The following PTPRD variants were observed in gnomAD, a reference collection of about 807,000 sequenced individuals.
The protein encoded by PTPRD is receptor-type tyrosine-protein phosphatase delta.
In PTPRD, 34 loss-of-function variants were observed where a neutral mutation model predicts 214.5. The observed-to-expected ratio is 0.16, with a 90% CI of 0.12 to 0.21. The LOEUF (loss-of-function observed/expected upper bound fraction) is 0.21, where lower values mean the gene tolerates loss of function less well. PTPRD is among the 10% of genes least tolerant of loss of function. The probability of loss-of-function intolerance (pLI) is 1.00; values close to 1 mark genes in which losing one functional copy is unlikely to be tolerated. For missense variants in PTPRD, 2,545 were observed against 2,398.7 expected, an observed-to-expected ratio of 1.06 and a Z score of -1.27; for synonymous variants, 1,128 against 845.7, an observed-to-expected ratio of 1.33 and a Z score of -5.79.
intron 9 of PTPRD, among the ~76,000 whole-genome samples, chr9:9,290,228 C>T (rs1311589614): frequency 6.6e-6 from 1 of 151,678 alleles, no homozygotes; most frequent in Non-Finnish European, 1.5e-5. Context: ...AACAGCTTTC[C>T]ATATGCTTGT....
chr9:8,821,877 C>G (rs1173110527), intron 11 of PTPRD, among the ~76,000 whole-genome samples: 1 of 152,170 alleles, frequency 6.6e-6, no homozygotes, highest in East Asian at 1.9e-4. Context: ...CTTGGCCAGG[C>G]TGGTATCGAA....
chr9:9,271,549 G>A (rs1259564641), intron 9 of PTPRD, among the ~76,000 whole-genome samples: 1 of 151,274 alleles, frequency 6.6e-6, no homozygotes, highest in Non-Finnish European at 1.5e-5. Context: ...ATTAAATATA[G>A]CAATTTAATG....
intron 27 of PTPRD, 170 bp from the exon 28 acceptor site, chr9:8,486,519 G>A: frequency 9.5e-6 from 7 of 734,170 alleles, no homozygotes; most frequent in Non-Finnish European, 1.7e-5. Context: ...TATGCTCCTT[G>A]TCTTACTTTA....
At chr9:9,536,977 C>T (rs1193713309) in intron 8 of PTPRD, among the ~76,000 whole-genome samples, 1 of 151,944 alleles carries the variant, frequency 6.6e-6, no homozygotes, top group Non-Finnish European at 1.5e-5. Context: ...CAGCCTTTTT[C>T]ATCTACTAAT....
Position 10,429,730 on chromosome 9 carries a change from CAG to C in PTPRD, c.-599-88715_-599-88714del, listed in dbSNP as rs1491520618. Among the ~76,000 whole-genome samples, 389 of 147,844 alleles carry C rather than the reference CAG, an allele frequency of 2.6e-3. 3 individuals carry two copies. Among genetic ancestry groups the C allele is most frequent in the African/African-American group, 9.2e-3 (367 of 39,934 alleles). Reference sequence around the variant, plus strand: ...AGTATAATGATAGATAATGAAGACTCAGGGGGCTAAGGGGAGTGGAAGGGGGG... The same window carrying C: ...AGTATAATGATAGATAATGAAGACTCGGGGCTAAGGGGAGTGGAAGGGGGG... On this transcript the variant is annotated intron_variant, in intron 2 of 45. Transcript: ENST00000381196.
intron 12 of PTPRD, among the ~76,000 whole-genome samples, chr9:8,644,849 A>G (rs1336118520): frequency 1.3e-5 from 2 of 152,182 alleles, no homozygotes; most frequent in African/African-American, 4.8e-5. Context: ...CCTTGAAGAC[A>G]TGGGATCCAG....
At chr9:10,140,811 G>C (rs1335500714) in intron 3 of PTPRD, among the ~76,000 whole-genome samples, 2 of 151,652 alleles carry the variant, frequency 1.3e-5, no homozygotes, top group African/African-American at 4.8e-5. Context: ...GAGAATTTTA[G>C]ACCAATATCC....
intron 14 of PTPRD, among the ~76,000 whole-genome samples, chr9:8,564,566 G>T (rs1487843871): frequency 1.3e-5 from 2 of 152,126 alleles, no homozygotes; most frequent in Non-Finnish European, 2.9e-5. Context: ...GCCAGATGTG[G>T]TAGTGCGTGC....
At chr9:10,328,405 T>C (rs935812149) in intron 3 of PTPRD, among the ~76,000 whole-genome samples, 1 of 151,754 alleles carries the variant, frequency 6.6e-6, no homozygotes, top group Admixed American at 6.6e-5. Flanking sequence ...CCTTAAAAAG[T>C]AAGAGCAGCT....
chr9:9,088,959 C>T (rs935417917), intron 10 of PTPRD, among the ~76,000 whole-genome samples: 1 of 152,110 alleles, frequency 6.6e-6, no homozygotes, highest in African/African-American at 2.4e-5. Context: ...TGTGCCAGAA[C>T]AATGATAAGC....
chr9:8,626,499 G>A (rs1425620306), intron 14 of PTPRD, among the ~76,000 whole-genome samples: 1 of 151,812 alleles, frequency 6.6e-6, no homozygotes, highest in Non-Finnish European at 1.5e-5. Flanking sequence ...TTGATTAGGC[G>A]AAATATCTGG....
intron 11 of PTPRD, among the ~76,000 whole-genome samples, chr9:8,990,891 T>G (rs183601012): frequency 6.6e-6 from 1 of 152,130 alleles, no homozygotes; most frequent in Admixed American, 6.5e-5. Context: ...GCTACATGGC[T>G]GCCTATACTT....
chr9:9,206,968 C>G (rs1383404042), intron 9 of PTPRD, among the ~76,000 whole-genome samples: 3 of 152,106 alleles, frequency 2.0e-5, no homozygotes. Context: ...AGAACCCTGA[C>G]TAATACAAAG....
At chr9:9,056,314 AC>A (rs2099696135) in intron 10 of PTPRD, among the ~76,000 whole-genome samples, 1 of 152,158 alleles carries the variant, frequency 6.6e-6, no homozygotes, top group Admixed American at 6.5e-5. Context: ...AGTACATAAA[AC>A]ATCTTAACCT....
chr9:9,490,385 T>C (rs1012595489), intron 8 of PTPRD, among the ~76,000 whole-genome samples: 1 of 152,108 alleles, frequency 6.6e-6, no homozygotes, highest in Non-Finnish European at 1.5e-5. Context: ...TGACAGTTTT[T>C]AATTGTATTT....
At chr9:9,046,225 T>C (rs1320711250) in intron 10 of PTPRD, among the ~76,000 whole-genome samples, 1 of 152,194 alleles carries the variant, frequency 6.6e-6, no homozygotes, top group East Asian at 1.9e-4. Flanking sequence ...TTGTTATAAT[T>C]AGAAGTTTTA....
At chr9:8,803,611 T>C (rs1002312316) in intron 11 of PTPRD, among the ~76,000 whole-genome samples, 3 of 152,102 alleles carry the variant, frequency 2.0e-5, no homozygotes, top group African/African-American at 7.2e-5. Flanking sequence ...CACAGGCCTA[T>C]AGTCCTGGAG....
rs1181812884 is a variant in PTPRD at position 10,511,969 on chromosome 9, T to A, written c.-600+100429A>T. On this transcript the variant is annotated intron_variant, in intron 2 of 45. Coordinates refer to ENST00000381196, the MANE Select transcript of PTPRD (RefSeq NM_002839.4). ...ATACGTGTGTGTATATATATATACG[T>A]GTGTGTGTATATATATATACGTGTG... 8.8e-3 allele frequency among the ~76,000 whole-genome samples: 453 copies of A among 51,726 alleles called. 13 individuals carry two copies. The highest frequency in any genetic ancestry group is 0.024 in the African/African-American group (427 of 18,104). 33.9% of individuals were successfully genotyped at this position (51,726 alleles called of 152,430 possible). A position where few individuals can be genotyped will look rare whatever the true frequency, so the allele number is the denominator to read the frequency against.
intron 2 of PTPRD, among the ~76,000 whole-genome samples, chr9:10,357,250 G>A (rs191867499): frequency 7.2e-4 from 110 of 152,208 alleles, no homozygotes; most frequent in African/African-American, 2.6e-3. Flanking sequence ...TTAAGGGTGT[G>A]TTTATATTAG....
Sources: gnomAD v4.1 joint callset for allele counts (sites outside exome capture counted in the v4.1 genomes callset) on GRCh38, gnomAD v4.1.1 for gene constraint, MANE v1.5 for transcripts, NCBI Gene and HGNC (gene_info 2026-07-23, HGNC 2026-07-21) for gene names.